The following PTPN22 variants were observed in gnomAD, a reference collection of about 807,000 sequenced individuals.
The protein encoded by PTPN22 is protein tyrosine phosphatase non-receptor type 22.
A neutral mutation model predicts 103.3 loss-of-function variants in PTPN22; 85 were observed. The observed-to-expected ratio is 0.82, with a 90% CI of 0.69 to 0.99. The LOEUF (loss-of-function observed/expected upper bound fraction) is 0.99, where lower values mean the gene tolerates loss of function less well. Among genes scored for constraint, PTPN22 ranks in the 50% least tolerant of loss-of-function variants. The pLI is 0.00. For synonymous variants in PTPN22, 323 were observed against 310.2 expected (o/e 1.04, Z -0.43); for missense variants, 865 against 936.9 (o/e 0.92, Z 1.00).
intron 1 of PTPN22, among the ~76,000 whole-genome samples, chr1:113,868,809 A>C (rs893704253): frequency 6.6e-6 from 1 of 152,186 alleles, no homozygotes; most frequent in Non-Finnish European, 1.5e-5. Flanking sequence ...TAGTGGTTGC[A>C]CTGCTAATGG....
At chr1:113,848,507 T>G (rs751503789) in intron 11 of PTPN22, 33 bp downstream of exon 11, 4 of 1,606,188 alleles carry the variant, frequency 2.5e-6, no homozygotes, top group Admixed American at 1.7e-5. Flanking sequence ...AGTATGAAAA[T>G]TTTTTTGACA....
chr1:113,826,658 A>ATTTT (rs1662089163), intron 18 of PTPN22, among the ~76,000 whole-genome samples: 2 of 108,312 alleles, frequency 1.8e-5, no homozygotes, highest in African/African-American at 8.0e-5. Context: ...TGGAGTCTCT[A>ATTTT]ATTTTTTTTT....
chr1:113,861,934 G>T (rs1158409488), intron 1 of PTPN22, among the ~76,000 whole-genome samples: 2 of 152,132 alleles, frequency 1.3e-5, no homozygotes, highest in Non-Finnish European at 2.9e-5. Context: ...AGGGGTGTGA[G>T]TTCCCTAGAG....
intron 19 of PTPN22, among the ~76,000 whole-genome samples, chr1:113,822,043 C>T (rs1001805407): frequency 1.3e-5 from 2 of 152,150 alleles, no homozygotes; most frequent in African/African-American, 2.4e-5. Flanking sequence ...TAAGCCTGAA[C>T]TCACATGATA....
intron 16 of PTPN22, among the ~76,000 whole-genome samples, chr1:113,831,328 A>G (rs1267545505): frequency 6.6e-6 from 1 of 152,074 alleles, no homozygotes; most frequent in Non-Finnish European, 1.5e-5. Context: ...CATCACCACA[A>G]TTTAGTTCCA....
chr1:113,849,545 A>G (rs1331641342), intron 10 of PTPN22, among the ~76,000 whole-genome samples: 1 of 152,020 alleles, frequency 6.6e-6, no homozygotes, highest in Non-Finnish European at 1.5e-5. Context: ...TGCAGAGTCT[A>G]TATCATTCAA....
intron 16 of PTPN22, among the ~76,000 whole-genome samples, chr1:113,831,558 A>G (rs1325628918): frequency 6.6e-6 from 1 of 152,068 alleles, no homozygotes; most frequent in Non-Finnish European, 1.5e-5. Flanking sequence ...AAACTAGAAT[A>G]TCTATTGCAA....
At chr1:113,816,824 G>T (rs748021115) in intron 20 of PTPN22, among the ~76,000 whole-genome samples, 1 of 152,016 alleles carries the variant, frequency 6.6e-6, no homozygotes, top group African/African-American at 2.4e-5. Flanking sequence ...CAGGAGAATC[G>T]CTTGAACCCA....
chr1:113,835,579 T>C (rs1408530835), intron 13 of PTPN22, among the ~76,000 whole-genome samples: 1 of 152,152 alleles, frequency 6.6e-6, no homozygotes, highest in East Asian at 1.9e-4. Context: ...AGTCACGGTG[T>C]ATCAGTTAAC....
rs1329359380 is a variant in PTPN22 at position 113,834,886 on chromosome 1, T to A, written c.1894+24A>T. The stretch of plus-strand genomic sequence containing the variant: ...CACCATGCCCATCCCACACTTTATT[T>A]TATACTTACTGAACTGTACTCACCA... On this transcript the variant is annotated intron_variant, in intron 14 of 20. Transcript: ENST00000359785. 15 of 1,503,322 alleles carry A rather than the reference T, an allele frequency of 1.0e-5. No individual in the cohort carries two copies. In the Admixed American group the frequency reaches 1.9e-4, roughly 19 times the overall value. 93.1% of individuals were successfully genotyped at this position (1,503,322 alleles called of 1,614,324 possible).
rs1025240047 is a variant in PTPN22, at chr1:113,841,086, T to C, written c.916-2466A>G. On this transcript the variant is annotated intron_variant, in intron 11 of 20. Transcript: ENST00000359785. The stretch of plus-strand genomic sequence containing the variant: ...CTAAAAATACAAAATTAGCCAGGCA[T>C]GGTGGCGCATGCCTGTAATCCCAGC... Among the ~76,000 whole-genome samples, 6 of 151,982 alleles carry C rather than the reference T, an allele frequency of 3.9e-5. No individual in the cohort carries two copies. In the East Asian group the frequency reaches 1.2e-3, roughly 29 times the overall value.
At chr1:113,832,231 A>C (rs1271543922) in intron 16 of PTPN22, among the ~76,000 whole-genome samples, 3 of 152,190 alleles carry the variant, frequency 2.0e-5, no homozygotes, top group Non-Finnish European at 4.4e-5. Flanking sequence ...TCTGTCACCC[A>C]GGCTGGTGTG....
intron 1 of PTPN22, among the ~76,000 whole-genome samples, chr1:113,868,394 C>T (rs534242421): frequency 6.6e-6 from 1 of 152,268 alleles, no homozygotes; most frequent in Non-Finnish European, 1.5e-5. Context: ...TGGGAGAATA[C>T]ATTAAGGGCT....
intron 19 of PTPN22, among the ~76,000 whole-genome samples, chr1:113,820,020 G>C (rs1347384094): frequency 6.6e-6 from 1 of 151,162 alleles, no homozygotes; most frequent in African/African-American, 2.4e-5. Flanking sequence ...GCCACTCTTA[G>C]TACATTTTTA....
chr1:113,829,538 CT>C, intron 18 of PTPN22, 53 bp downstream of exon 18: 1 of 1,007,046 alleles, frequency 9.9e-7, no homozygotes, highest in Non-Finnish European at 1.5e-6. Context: ...GAGGGGGAAA[CT>C]TTCAGTAAGG....
At chr1:113,856,943 CT>C in intron 5 of PTPN22, 1 of 221,650 alleles carries the variant, frequency 4.5e-6, no homozygotes, top group Non-Finnish European at 9.1e-6. Flanking sequence ...AGTTCCCTTG[CT>C]TTTGATTAGA....
chr1:113,834,582 A>G, intron 14 of PTPN22, 143 bp from the exon 15 acceptor site: 4 of 972,202 alleles, frequency 4.1e-6, no homozygotes, highest in Non-Finnish European at 3.1e-6. Flanking sequence ...TTTTTGAGAC[A>G]GGGTCTTGCT....
exon 15 of PTPN22, chr1:113,834,349 G>A (rs892420352): frequency 1.1e-5 from 17 of 1,613,956 alleles, no homozygotes; most frequent in Non-Finnish European, 1.4e-5. Flanking sequence ...AAATTTCTTT[G>A]GTTCAGATGT....
At chr1:113,818,780 T>C (rs1661360450) in intron 20 of PTPN22, among the ~76,000 whole-genome samples, 1 of 152,236 alleles carries the variant, frequency 6.6e-6, no homozygotes, top group African/African-American at 2.4e-5. Flanking sequence ...TCCAGGCCAG[T>C]GCCTTTGAAG....
Sources: allele counts gnomAD v4.1 joint callset (sites outside exome capture counted in the v4.1 genomes callset), GRCh38; gene constraint gnomAD v4.1.1; transcripts MANE v1.5; gene names NCBI Gene and HGNC (gene_info 2026-07-23, HGNC 2026-07-21).